Variants in FAM193B observed in about 807,000 individuals in gnomAD.
FAM193B encodes the protein protein FAM193B.
Under a neutral mutation model 70.7 loss-of-function variants are expected in FAM193B, and 27 were observed. The ratio of observed to expected loss-of-function variants is 0.38; its 90% CI spans 0.28 to 0.53. The LOEUF (loss-of-function observed/expected upper bound fraction) is 0.53, where lower values mean the gene tolerates loss of function less well. Among genes scored for constraint, FAM193B ranks in the 20% least tolerant of loss-of-function variants. The pLI is 0.81. For synonymous variants in FAM193B, 448 were observed against 436.0 expected (o/e 1.03, Z -0.34); for missense variants, 1,022 against 1,072.5 (o/e 0.95, Z 0.66).
intron 5 of FAM193B, 80 bp from the exon 6 acceptor site, chr5:177,525,285 C>A: frequency 1.5e-6 from 2 of 1,298,068 alleles, no homozygotes; most frequent in East Asian, 2.9e-5. Flanking sequence ...CAGCCTGGGG[C>A]CCAGCTTTGC....
intron 1 of FAM193B, chr5:177,553,639 G>A: frequency 1.6e-6 from 2 of 1,266,830 alleles, no homozygotes; most frequent in African/African-American, 1.5e-5. Context: ...GCCTTGCGGA[G>A]CAGGGGAGGG....
chr5:177,523,391 G>A (rs1444503585), intron 7 of FAM193B: 2 of 226,650 alleles, frequency 8.8e-6, no homozygotes, highest in East Asian at 2.6e-4. Flanking sequence ...TTTGATTGCA[G>A]ATATGGAGGG....
At chr5:177,545,505 C>A (rs2127484826) in intron 1 of FAM193B, among the ~76,000 whole-genome samples, 1 of 152,136 alleles carries the variant, frequency 6.6e-6, no homozygotes, top group Middle Eastern at 3.4e-3. Flanking sequence ...ATATAAACAA[C>A]ACAAACAAAA....
rs1354668118 is a variant in FAM193B at position 177,526,071 on chromosome 5, T to C, written c.1276-866A>G. Reference sequence around the variant, plus strand: ...CCTGTACTTCCAGCTGATTTGGGAATGGAGGAAGAGAAACATGAAAGGGCA... The same window carrying C: ...CCTGTACTTCCAGCTGATTTGGGAACGGAGGAAGAGAAACATGAAAGGGCA... On this transcript the variant is annotated intron_variant, in intron 5 of 8. Transcript: ENST00000514747. Among the ~76,000 whole-genome samples, 9 of 152,076 alleles carry C rather than the reference T, an allele frequency of 5.9e-5. No individual in the cohort carries two copies. In the East Asian group the frequency reaches 1.7e-3, roughly 29 times the overall value.
intron 1 of FAM193B, among the ~76,000 whole-genome samples, chr5:177,548,077 T>C (rs1208597048): frequency 6.6e-6 from 1 of 152,250 alleles, no homozygotes; most frequent in Non-Finnish European, 1.5e-5. Flanking sequence ...CACCTTCCCA[T>C]ATGCTGTTCC....
intron 1 of FAM193B, chr5:177,552,060 T>A (rs987102787): frequency 2.9e-5 from 29 of 985,474 alleles, no homozygotes; most frequent in Non-Finnish European, 3.4e-5. Context: ...CCTTTTCTTT[T>A]CTTTTGTCTG....
intron 7 of FAM193B, chr5:177,523,121 TCC>T (rs1367764197): frequency 2.5e-5 from 6 of 237,010 alleles, no homozygotes; most frequent in Non-Finnish European, 4.5e-5. Flanking sequence ...TGCCTCAGCC[TCC>T]CGAGTAGCTG....
At position 177,532,515 on chromosome 5, in the gene FAM193B, G is replaced by C; in HGVS notation, c.1203C>G (p.Thr401=). Residue 401 remains threonine, a synonymous_variant, in exon 5 of 9, where the codon ACC becomes ACG. Coordinates refer to ENST00000514747, the MANE Select transcript of FAM193B (RefSeq NM_001190946.3). This position sits in a 1 kb window ranked among gnomAD's most constrained non-coding sequence, Gnocchi z 4.9. ...EDSSSERSSC[T]SSSTHQRDGK... Reference sequence around the variant, plus strand: ...CATCTCTCTGGTGGGTGGAGGATGAGGTGCAGGAGCTTCGCTCAGAGCTGC... The same window carrying C: ...CATCTCTCTGGTGGGTGGAGGATGACGTGCAGGAGCTTCGCTCAGAGCTGC... 2 of 1,611,176 alleles carry C rather than the reference G, an allele frequency of 1.2e-6. No individual in the cohort carries two copies. Among genetic ancestry groups the C allele is most frequent in the Non-Finnish European group, 1.7e-6 (2 of 1,178,926 alleles).
intron 1 of FAM193B, 123 bp downstream of exon 1, chr5:177,554,126 C>A: frequency 7.1e-7 from 1 of 1,415,260 alleles, no homozygotes. Flanking sequence ...GGCGCCGGAC[C>A]CGGGGGAAGG....
intron 1 of FAM193B, among the ~76,000 whole-genome samples, chr5:177,546,388 C>G (rs1379617477): frequency 2.6e-5 from 4 of 152,240 alleles, no homozygotes; most frequent in Admixed American, 1.3e-4. Flanking sequence ...TAAGTATGCC[C>G]AGGAACCTAG....
chr5:177,531,569 C>G, intron 5 of FAM193B: 1 of 1,219,452 alleles, frequency 8.2e-7, no homozygotes, highest in Non-Finnish European at 1.1e-6. Flanking sequence ...GCCTGGGGGG[C>G]CCACAGCACT....
chr5:177,554,404 G>C lies in FAM193B; in HGVS notation c.55C>G (p.Arg19Gly), dbSNP rs1766775298. 1.8e-6 allele frequency: 2 copies of C among 1,140,190 alleles called. No homozygotes were observed. Among genetic ancestry groups the C allele is most frequent in the Middle Eastern group, 3.7e-4 (1 of 2,724 alleles). The allele number at this position is 1,140,190 out of a possible 1,614,324, so 70.6% of individuals were successfully genotyped here. A position where few individuals can be genotyped will look rare whatever the true frequency, so the allele number is the denominator to read the frequency against. ...SGGAGRRERA[R>G]AAGPQKPQAP... ...TGGGGCTTCTGCGGCCCCGCGGCCC[G>C]AGCCCGCTCGCGCCTGCCCGCACCG... The change falls in exon 1 of 9, where the codon CGG becomes GGG. Residue 19 changes from arginine to glycine, a missense_variant. Arg to Gly is a moderately radical substitution (Grantham distance 125). Coordinates refer to ENST00000514747, the MANE Select transcript of FAM193B (RefSeq NM_001190946.3).
intron 1 of FAM193B, chr5:177,553,820 G>A: frequency 3.1e-6 from 4 of 1,285,510 alleles, no homozygotes; most frequent in South Asian, 1.2e-5. Context: ...GGACGGAGTG[G>A]AGCCGTTCCC....
At chr5:177,542,117 G>A (rs1005729709) in intron 1 of FAM193B, among the ~76,000 whole-genome samples, 6 of 152,200 alleles carry the variant, frequency 3.9e-5, no homozygotes, top group South Asian at 2.1e-4. Flanking sequence ...GTAATAAAAC[G>A]TATGATACGT....
chr5:177,551,634 G>C (rs1008739235), intron 1 of FAM193B, among the ~76,000 whole-genome samples: 2 of 152,182 alleles, frequency 1.3e-5, no homozygotes, highest in Admixed American at 6.5e-5. Flanking sequence ...GAAACCTTTT[G>C]ATCTTTAAAA....
intron 1 of FAM193B, 189 bp downstream of exon 1, chr5:177,554,060 C>G (rs956839364): frequency 2.9e-6 from 4 of 1,356,086 alleles, no homozygotes; most frequent in Non-Finnish European, 1.9e-6. Flanking sequence ...CGGACCGAGC[C>G]TCGGCTTTGG....
chr5:177,554,002 C>T, intron 1 of FAM193B: 1 of 1,290,532 alleles, frequency 7.7e-7, no homozygotes, highest in Non-Finnish European at 9.9e-7. Flanking sequence ...CCGGAACGCC[C>T]GGAGGCGGCG....
At chr5:177,536,259 T>G in intron 4 of FAM193B, 99 bp downstream of exon 4, 1 of 1,245,730 alleles carries the variant, frequency 8.0e-7, no homozygotes, top group Non-Finnish European at 1.1e-6. Context: ...AGGAAAGACA[T>G]AGTCTACTTT....
At chr5:177,542,366 G>T (rs968730460) in intron 1 of FAM193B, among the ~76,000 whole-genome samples, 7 of 152,226 alleles carry the variant, frequency 4.6e-5, no homozygotes, top group African/African-American at 1.7e-4. Flanking sequence ...TGTAGGGTCA[G>T]CTGTGAGAAA....
Sources: gnomAD v4.1 joint callset for allele counts (sites outside exome capture counted in the v4.1 genomes callset) on GRCh38, gnomAD v4.1.1 for gene constraint, Gnocchi (gnomAD v3.1) non-coding constraint, MANE v1.5 for transcripts, NCBI Gene and HGNC (gene_info 2026-07-23, HGNC 2026-07-21) for gene names.